ZBTB25: variants seen among roughly 807,000 people sequenced by gnomAD.
ZBTB25 encodes the protein zinc finger and BTB domain containing 25, also known as zinc finger and BTB domain-containing protein 25.
A neutral mutation model predicts 34.2 loss-of-function variants in ZBTB25; 20 were observed. The ratio of observed to expected loss-of-function variants is 0.58; its 90% CI spans 0.41 to 0.85. ZBTB25 has a LOEUF of 0.85. ZBTB25 is among the 40% of genes least tolerant of loss of function. ZBTB25 has a pLI of 0.00. For synonymous variants in ZBTB25, 175 were observed against 186.4 expected (o/e 0.94, Z 0.50); for missense variants, 437 against 521.8 (o/e 0.84, Z 1.58).
intron 1 of ZBTB25, among the ~76,000 whole-genome samples, chr14:64,495,937 A>G (rs966438310): frequency 2.5e-4 from 38 of 151,730 alleles, no homozygotes; most frequent in African/African-American, 8.9e-4. Flanking sequence ...CCTGGGCAAC[A>G]AGAGCGAAAC....
chr14:64,469,060 T>C, intron 2 of ZBTB25: 1 of 1,614,124 alleles, frequency 6.2e-7, no homozygotes, highest in East Asian at 2.2e-5. Flanking sequence ...GGCATTCTGC[T>C]ATTCAAACGG....
chr14:64,463,206 C>T (rs1468543212), intron 2 of ZBTB25: 2 of 145,248 alleles, frequency 1.4e-5, no homozygotes, highest in African/African-American at 2.5e-5. Context: ...TTCTTTCATG[C>T]ATGAGGTACT....
rs928909539 is a variant in ZBTB25 at position 64,481,756 on chromosome 14, C to T, written c.*5167G>A. The T allele has an allele frequency of 6.6e-6, 1 of 152,168 alleles. No homozygotes were observed. The highest frequency in any genetic ancestry group is 1.5e-5 in the Non-Finnish European group (1 of 68,038). 9.4% of individuals were successfully genotyped at this position (152,168 alleles called of 1,614,324 possible). On this transcript the variant is annotated 3_prime_UTR_variant, in exon 3 of 3. Transcript: ENST00000608382. ...CCAGGTTTGGGACTGTGCAATCTCA[C>T]CAGTTTTCAAAATGTCCAACCATAC...
intron 2 of ZBTB25, chr14:64,471,946 C>T (rs1287775315): frequency 6.0e-6 from 1 of 166,332 alleles, no homozygotes. Flanking sequence ...TGAACCAAAT[C>T]ATGGATATTA....
At chr14:64,494,258 G>A (rs2079190528) in intron 1 of ZBTB25, among the ~76,000 whole-genome samples, 1 of 152,194 alleles carries the variant, frequency 6.6e-6, no homozygotes, top group African/African-American at 2.4e-5. Context: ...CGAGTGTACT[G>A]ACCAAAAGAT....
chr14:64,471,250 T>C (rs1270140876), intron 2 of ZBTB25: 1 of 155,978 alleles, frequency 6.4e-6, no homozygotes, highest in Non-Finnish European at 1.5e-5. Context: ...CCTCCTGGGT[T>C]CACACCATTC....
intron 2 of ZBTB25, chr14:64,469,086 A>T: frequency 1.9e-6 from 3 of 1,614,020 alleles, no homozygotes; most frequent in Non-Finnish European, 2.5e-6. Flanking sequence ...CTAATCCTTG[A>T]AGAAATTGAA....
chr14:64,460,655 C>T (rs1207776774), intron 2 of ZBTB25: 1 of 152,006 alleles, frequency 6.6e-6, no homozygotes, highest in Non-Finnish European at 1.5e-5. Flanking sequence ...CATACCTGGC[C>T]CAGACTTTCT....
rs150701502 is a variant in ZBTB25, at chr14:64,464,683, G to A, written c.174-15045C>T. ...GGCCAGAGGAGGAGGCTGGGATTGT[G>A]ATGGATCCTACTAGATTTTACAGCT... On this transcript the variant is annotated intron_variant, in intron 2 of 2. Coordinates refer to the ZBTB25 transcript ENST00000555220. Among the ~76,000 whole-genome samples the A allele has an allele frequency of 3.3e-5, 5 of 152,306 alleles. No homozygotes were observed. The East Asian group carries it at 9.6e-4, about 29-fold the overall frequency.
In ZBTB25 at chr14:64,485,981, GTCTC is replaced by G. The variant is rs1429582285; in HGVS notation, c.*938_*941del. The G allele has an allele frequency of 1.4e-5, 14 of 979,158 alleles. No individual in the cohort carries two copies. Among genetic ancestry groups the G allele is most frequent in the African/African-American group, 1.9e-5 (1 of 52,816 alleles). The allele number at this position is 979,158 out of a possible 1,614,324, so 60.7% of individuals were successfully genotyped here. A position where few individuals can be genotyped will look rare whatever the true frequency, so the allele number is the denominator to read the frequency against. On this transcript the variant is annotated 3_prime_UTR_variant, in exon 3 of 3. Transcript: ENST00000608382. ...TACTGTTTCTTAAATATTTTTTAATGTCTCTCTGACTCTTCTCCCTTTAACTGTT... is the reference window on the plus strand; with the variant it reads ...TACTGTTTCTTAAATATTTTTTAATGTCTGACTCTTCTCCCTTTAACTGTT...
chr14:64,504,237 C>T (rs1373411162), upstream of ZBTB25: 1 of 150,678 alleles, frequency 6.6e-6, no homozygotes, highest in Non-Finnish European at 1.5e-5. Context: ...GGGCCAGAGG[C>T]AGCAGGCCCA....
At chr14:64,468,344 G>A in intron 2 of ZBTB25, 1 of 1,496,034 alleles carries the variant, frequency 6.7e-7, no homozygotes, top group Non-Finnish European at 8.9e-7. Flanking sequence ...ACAAAAGGCT[G>A]CTAAGGAAGA....
intron 2 of ZBTB25, among the ~76,000 whole-genome samples, chr14:64,466,908 C>A (rs1596586386): frequency 6.6e-6 from 1 of 152,140 alleles, no homozygotes; most frequent in South Asian, 2.1e-4. Context: ...TTTCAATACA[C>A]CTTTATATTA....
At chr14:64,503,900 C>T (rs1330176817), upstream of ZBTB25, 1 of 152,216 alleles carries the variant, frequency 6.6e-6, no homozygotes, top group Non-Finnish European at 1.5e-5. Context: ...CTCCCGCCCG[C>T]CCGCCTCAGT....
rs576137252 is a variant in ZBTB25 at position 64,480,510 on chromosome 14, A to C, written c.*6413T>G. On this transcript the variant is annotated 3_prime_UTR_variant, in exon 3 of 3. Coordinates refer to ENST00000608382, the MANE Select transcript of ZBTB25 (RefSeq NM_006977.5). ...TGCATTTTTGCATCACACCTCCAAA[A>C]TGTTACCCAGTACAAAGACTACTTG... 27 of 292,156 alleles carry C rather than the reference A, an allele frequency of 9.2e-5. No homozygotes were observed. Among genetic ancestry groups the C allele is most frequent in the African/African-American group, 5.9e-4 (26 of 43,892 alleles). 18.1% of individuals were successfully genotyped at this position (292,156 alleles called of 1,614,324 possible).
chr14:64,505,176 C>G (rs2079626742), upstream of ZBTB25: 2 of 331,620 alleles, frequency 6.0e-6, no homozygotes, highest in Non-Finnish European at 1.1e-5. Flanking sequence ...GAGGCGAAGC[C>G]CCTACGGAGA....
At chr14:64,468,694 A>T in intron 2 of ZBTB25, 3 of 1,614,146 alleles carry the variant, frequency 1.9e-6, no homozygotes, top group Non-Finnish European at 2.5e-6. Context: ...AGCAAAAGCC[A>T]TTGGAGGGTG....
At chr14:64,466,358 C>G (rs1468134551) in intron 2 of ZBTB25, among the ~76,000 whole-genome samples, 1 of 152,208 alleles carries the variant, frequency 6.6e-6, no homozygotes, top group East Asian at 1.9e-4. Context: ...GAGATACATT[C>G]AAGTGAGCTT....
In ZBTB25 at chr14:64,488,041, G is replaced by A; in HGVS notation, c.190C>T (p.Gln64Ter). Residue 64 changes from glutamine to a stop codon, truncating the protein, a stop_gained, in exon 3 of 3, where the codon CAA becomes TAA. Coordinates refer to ENST00000608382, the MANE Select transcript of ZBTB25 (RefSeq NM_006977.5). LOFTEE classifies it high-confidence loss of function. ...ATGTCAGGTTGGATGTCAGTTGGTT[G>A]TATTTTTATGCATTCACTGTTAAAA... ...IHQTSECIKI[Q>*]PTDIQPDIFS... The A allele has an allele frequency of 6.2e-7, 1 of 1,611,618 alleles. No individual in the cohort carries two copies. Among genetic ancestry groups the A allele is most frequent in the Non-Finnish European group, 8.5e-7 (1 of 1,178,072 alleles).
Sources: gnomAD v4.1 joint callset for allele counts (sites outside exome capture counted in the v4.1 genomes callset) on GRCh38, gnomAD v4.1.1 for gene constraint, MANE v1.5 for transcripts, NCBI Gene and HGNC (gene_info 2026-07-23, HGNC 2026-07-21) for gene names.